The following EFCAB6 variants were observed in gnomAD, a reference collection of about 807,000 sequenced individuals.
EFCAB6 encodes EF-hand calcium-binding domain-containing protein 6.
In EFCAB6, 156 loss-of-function variants were observed where a neutral mutation model predicts 169.8. The ratio of observed to expected loss-of-function variants is 0.92; its 90% CI spans 0.81 to 1.05. The LOEUF (loss-of-function observed/expected upper bound fraction) is 1.05, where lower values mean the gene tolerates loss of function less well. Ranked by LOEUF, EFCAB6 falls within the 50% of genes least tolerant of loss-of-function variation. The pLI is 0.00. For synonymous variants in EFCAB6, 698 were observed against 676.4 expected (o/e 1.03, Z -0.50); for missense variants, 1,800 against 1,829.1 (o/e 0.98, Z 0.29).
At chr22:43,738,253 T>C (rs919223771) in intron 6 of EFCAB6, among the ~76,000 whole-genome samples, 2 of 139,750 alleles carry the variant, frequency 1.4e-5, no homozygotes, top group Non-Finnish European at 3.1e-5. Flanking sequence ...CACACATATA[T>C]TCACTCACAC....
chr22:43,773,986 T>C (rs2061559374), intron 3 of EFCAB6, among the ~76,000 whole-genome samples: 1 of 152,194 alleles, frequency 6.6e-6, no homozygotes, highest in African/African-American at 2.4e-5. Context: ...TGATACACCA[T>C]AGGCCTCCTT....
chr22:43,539,934 C>T lies in EFCAB6; in HGVS notation c.3879+193G>A, dbSNP rs902993271. ...CACTCCTCCACCGTTCCTATCCCCA[C>T]GTCTGCCCCCCTCCCAGGGAATGGA... On this transcript the variant is annotated intron_variant, in intron 28 of 31. Coordinates refer to ENST00000262726, the MANE Select transcript of EFCAB6 (RefSeq NM_022785.4). Among the ~76,000 whole-genome samples, 12 of 152,302 alleles carry T rather than the reference C, an allele frequency of 7.9e-5. 3 individuals are homozygous for T. The highest frequency in any genetic ancestry group is 7.2e-5 in the African/African-American group (3 of 41,562).
chr22:43,630,960 C>A (rs562465784), intron 19 of EFCAB6, among the ~76,000 whole-genome samples: 1 of 152,152 alleles, frequency 6.6e-6, no homozygotes, highest in East Asian at 1.9e-4. Flanking sequence ...AAATCTGAGC[C>A]CTGCTAGAAA....
chr22:43,594,282 A>G (rs2051818170), intron 23 of EFCAB6, among the ~76,000 whole-genome samples: 1 of 149,282 alleles, frequency 6.7e-6, no homozygotes, highest in South Asian at 2.1e-4. Flanking sequence ...TTTCAAAAAA[A>G]AAAAAAAAAA....
intron 22 of EFCAB6, among the ~76,000 whole-genome samples, chr22:43,606,341 T>C (rs2147601473): frequency 6.6e-6 from 1 of 152,352 alleles, no homozygotes; most frequent in East Asian, 1.9e-4. Flanking sequence ...AGCTCTGGAT[T>C]ACTCGTTTAT....
At position 43,703,038 on chromosome 22, in the gene EFCAB6, A is replaced by G. The variant is rs146367168; in HGVS notation, c.1031+8437T>C. Among the ~76,000 whole-genome samples the G allele has an allele frequency of 7.0e-3, 1,065 of 152,290 alleles. 10 individuals are homozygous for G. The highest frequency in any genetic ancestry group is 0.025 in the African/African-American group (1,019 of 41,554). On this transcript the variant is annotated intron_variant, in intron 10 of 31. Transcript: ENST00000262726. ...GTGAACTGTGCATTTCTACTAGAGT[A>G]AAGTGTCAGCTCCCATCCATCCCTA...
intron 17 of EFCAB6, among the ~76,000 whole-genome samples, chr22:43,658,580 A>C (rs1027163027): frequency 6.6e-6 from 1 of 152,176 alleles, no homozygotes. Context: ...AAAGGCCCTG[A>C]GAATACAAAA....
chr22:43,721,941 C>G (rs112701173), intron 8 of EFCAB6, among the ~76,000 whole-genome samples: 12,661 of 152,086 alleles, frequency 0.083, 654 homozygotes, highest in South Asian at 0.17. Context: ...AAGAAACTAT[C>G]AATAAACAGA....
intron 20 of EFCAB6, among the ~76,000 whole-genome samples, chr22:43,621,090 T>A (rs1420171793): frequency 1.2e-4 from 4 of 32,172 alleles, no homozygotes; most frequent in African/African-American, 3.6e-4. Context: ...CACTATGCAA[T>A]TTTTTTTTTT....
At chr22:43,728,528 A>T (rs534671065) in intron 8 of EFCAB6, among the ~76,000 whole-genome samples, 8 of 152,332 alleles carry the variant, frequency 5.3e-5, no homozygotes, top group Non-Finnish European at 1.0e-4. Flanking sequence ...ACTCCCACCA[A>T]CAGGGTAGAA....
At chr22:43,540,937 C>A (rs1334378108) in intron 27 of EFCAB6, among the ~76,000 whole-genome samples, 1 of 151,792 alleles carries the variant, frequency 6.6e-6, no homozygotes, top group Non-Finnish European at 1.5e-5. Context: ...TCTGATGCCA[C>A]AGACTGTATC....
At chr22:43,648,601 G>A (rs77702258) in intron 17 of EFCAB6, among the ~76,000 whole-genome samples, 9,442 of 152,208 alleles carry the variant, frequency 0.062, 382 homozygotes, top group Non-Finnish European at 0.092. Context: ...ACCACCTGTT[G>A]GGTACTATGC....
intron 16 of EFCAB6, 39 bp from the exon 17 acceptor site, chr22:43,667,311 GAC>G: frequency 1.9e-6 from 3 of 1,601,814 alleles, no homozygotes; most frequent in Non-Finnish European, 2.6e-6. Flanking sequence ...AGTGTCAACT[GAC>G]ACACGCAGGG....
At position 43,540,409 on chromosome 22, in the gene EFCAB6, C is replaced by T. The variant is rs1451575631; in HGVS notation, c.3649-52G>A. Reference sequence around the variant, plus strand: ...CAGGTGTCAGTGCAAACACAGGCAGCGTCGCACCTGTGCCAGCGAGAAGTG... The same window carrying T: ...CAGGTGTCAGTGCAAACACAGGCAGTGTCGCACCTGTGCCAGCGAGAAGTG... On this transcript the variant is annotated intron_variant, in intron 27 of 31. Coordinates refer to ENST00000262726, the MANE Select transcript of EFCAB6 (RefSeq NM_022785.4). 9.3e-6 allele frequency: 15 copies of T among 1,608,964 alleles called. No individual in the cohort carries two copies. In the Admixed American group the frequency reaches 1.0e-4, roughly 11 times the overall value.
At chr22:43,778,456 A>T (rs1037112316) in intron 3 of EFCAB6, among the ~76,000 whole-genome samples, 1 of 152,224 alleles carries the variant, frequency 6.6e-6, no homozygotes, top group Non-Finnish European at 1.5e-5. Flanking sequence ...TGGGCCCTTC[A>T]CTAAGTGTCA....
At chr22:43,720,094 A>G (rs983025088) in intron 8 of EFCAB6, among the ~76,000 whole-genome samples, 6 of 152,210 alleles carry the variant, frequency 3.9e-5, no homozygotes, top group African/African-American at 1.4e-4. Flanking sequence ...CACAATGTAT[A>G]TGTACATCAA....
chr22:43,588,687 A>G (rs1469005799), intron 24 of EFCAB6, among the ~76,000 whole-genome samples: 1 of 152,232 alleles, frequency 6.6e-6, no homozygotes, highest in East Asian at 1.9e-4. Context: ...AATTTAGAAC[A>G]TGAAAAGGGC....
intron 3 of EFCAB6, among the ~76,000 whole-genome samples, chr22:43,774,152 G>A: frequency 6.6e-6 from 1 of 151,916 alleles, no homozygotes; most frequent in South Asian, 2.1e-4. Flanking sequence ...CTTTCCCTTT[G>A]AATGAAAATT....
intron 25 of EFCAB6, among the ~76,000 whole-genome samples, chr22:43,577,882 A>C (rs956597850): frequency 2.2e-5 from 3 of 139,298 alleles, no homozygotes; most frequent in Non-Finnish European, 3.1e-5. Context: ...TGTGATTTAC[A>C]AAAAAAAAAA....
Sources: allele counts gnomAD v4.1 joint callset (sites outside exome capture counted in the v4.1 genomes callset), GRCh38; gene constraint gnomAD v4.1.1; transcripts MANE v1.5; gene names NCBI Gene and HGNC (gene_info 2026-07-23, HGNC 2026-07-21).